SPTSSB: variants seen among roughly 807,000 people sequenced by gnomAD.
SPTSSB encodes serine palmitoyltransferase small subunit B, also known as androgen down regulated in mouse prostate.
In SPTSSB, 6 loss-of-function variants were observed where a neutral mutation model predicts 7.7. The ratio of observed to expected loss-of-function variants is 0.78; its 90% CI spans 0.43 to 1.54. The LOEUF is 1.54. SPTSSB is among the 40% of genes most tolerant of loss of function. SPTSSB has a pLI of 0.01. For synonymous variants in SPTSSB, 28 were observed against 29.7 expected, an observed-to-expected ratio of 0.94 and a Z score of 0.19; for missense variants, 91 against 93.0, an observed-to-expected ratio of 0.98 and a Z score of 0.09.
intron 1 of SPTSSB, among the ~76,000 whole-genome samples, chr3:161,370,405 T>G (rs1715456450): frequency 6.6e-6 from 1 of 152,200 alleles, no homozygotes; most frequent in African/African-American, 2.4e-5. Flanking sequence ...TTGGTTTTGG[T>G]CTAGTTATCT....
At chr3:161,350,388 CT>C (rs2086170456) in intron 2 of SPTSSB, among the ~76,000 whole-genome samples, 1 of 152,172 alleles carries the variant, frequency 6.6e-6, no homozygotes, top group South Asian at 2.1e-4. Flanking sequence ...AAAAAAAAGA[CT>C]TAGTACATTT....
chr3:161,368,119 T>G (rs1715293501), intron 1 of SPTSSB, among the ~76,000 whole-genome samples: 1 of 152,034 alleles, frequency 6.6e-6, no homozygotes, highest in Non-Finnish European at 1.5e-5. Context: ...CTTAAATATT[T>G]CATATATTTT....
chr3:161,369,710 G>A (rs1380867600), intron 1 of SPTSSB, among the ~76,000 whole-genome samples: 2 of 152,018 alleles, frequency 1.3e-5, no homozygotes. Context: ...TGGGGATGAT[G>A]AGTAATGCTG....
chr3:161,364,127 CT>C (rs748339381), intron 1 of SPTSSB, among the ~76,000 whole-genome samples: 2 of 151,680 alleles, frequency 1.3e-5, no homozygotes, highest in African/African-American at 4.8e-5. Flanking sequence ...ACTTAAACTA[CT>C]TTTTTTTAAA....
intron 2 of SPTSSB, among the ~76,000 whole-genome samples, chr3:161,356,188 C>T (rs2108160928): frequency 6.6e-6 from 1 of 152,286 alleles, no homozygotes; most frequent in Admixed American, 6.5e-5. Context: ...TTCCTGGCAT[C>T]AGTGAAATTC....
At chr3:161,356,530 C>T (rs1165691696) in intron 2 of SPTSSB, among the ~76,000 whole-genome samples, 1 of 152,162 alleles carries the variant, frequency 6.6e-6, no homozygotes, top group Non-Finnish European at 1.5e-5. Context: ...CAAGACCTTT[C>T]CAATAGTGTT....
At chr3:161,369,318 T>TTCTTTC (rs1560109045) in intron 1 of SPTSSB, among the ~76,000 whole-genome samples, 9 of 77,720 alleles carry the variant, frequency 1.2e-4, no homozygotes, top group East Asian at 4.8e-4. Context: ...TTCTTTCTCT[T>TTCTTTC]TCTTTCTTTC....
At chr3:161,365,232 A>G (rs1020016589) in intron 1 of SPTSSB, among the ~76,000 whole-genome samples, 1 of 152,252 alleles carries the variant, frequency 6.6e-6, no homozygotes, top group Non-Finnish European at 1.5e-5. Context: ...CAAATCATTT[A>G]TCCATCCTTC....
chr3:161,360,954 AAT>A (rs1422168455), intron 1 of SPTSSB, among the ~76,000 whole-genome samples: 1 of 152,162 alleles, frequency 6.6e-6, no homozygotes, highest in Non-Finnish European at 1.5e-5. Context: ...TATCTATAGA[AAT>A]ATGGTGTCAC....
chr3:161,346,353 G>T lies in SPTSSB; in HGVS notation c.-30C>A. Reference sequence around the variant, plus strand: ...GGCTCCTTCAAGCTGCAGTAAGTTTGTCCTGTTAAAGAATGTAACAGATTA... The same window carrying T: ...GGCTCCTTCAAGCTGCAGTAAGTTTTTCCTGTTAAAGAATGTAACAGATTA... On this transcript the variant is annotated splice_region_variant and 5_prime_UTR_variant, in exon 3 of 3. Transcript: ENST00000620149. The T allele has an allele frequency of 6.7e-7, 1 of 1,495,078 alleles. No homozygotes were observed. Among genetic ancestry groups the T allele is most frequent in the Non-Finnish European group, 9.3e-7 (1 of 1,071,822 alleles). The allele number at this position is 1,495,078 out of a possible 1,614,324, so 92.6% of individuals were successfully genotyped here.
rs62279927 is a variant in SPTSSB at position 161,371,475 on chromosome 3, C to G, written c.-166G>C. 7 of 985,344 alleles carry G rather than the reference C, an allele frequency of 7.1e-6. No individual in the cohort carries two copies. Among genetic ancestry groups the G allele is most frequent in the African/African-American group, 1.7e-5 (1 of 57,212 alleles). The allele number at this position is 985,344 out of a possible 1,614,324, so 61.0% of individuals were successfully genotyped here. A position where few individuals can be genotyped will look rare whatever the true frequency, so the allele number is the denominator to read the frequency against. On this transcript the variant is annotated 5_prime_UTR_variant, in exon 1 of 3. Coordinates refer to ENST00000620149, the MANE Select transcript of SPTSSB (RefSeq NM_001040100.2). ...ATCTCCCTGCGGCTTAGGTGAGCGC[C>G]GAGGCTTTGGCTCCTCCCCAGCTGC...
intron 2 of SPTSSB, among the ~76,000 whole-genome samples, chr3:161,352,529 G>A (rs1482592528): frequency 6.6e-6 from 1 of 152,166 alleles, no homozygotes; most frequent in Non-Finnish European, 1.5e-5. Context: ...GACTATGAGG[G>A]CTTTGGGTAC....
chr3:161,355,329 G>A (rs1291714397), intron 2 of SPTSSB, among the ~76,000 whole-genome samples: 1 of 152,160 alleles, frequency 6.6e-6, no homozygotes, highest in Non-Finnish European at 1.5e-5. Flanking sequence ...GAAGCAAAAA[G>A]TGAACAAACT....
rs149388545 is a variant in SPTSSB, at chr3:161,369,286, T to TTTTCTTTCTTTCTTTCTTTC, written c.-126+2129_-126+2148dup. On this transcript the variant is annotated intron_variant, in intron 1 of 2. Coordinates refer to ENST00000620149, the MANE Select transcript of SPTSSB (RefSeq NM_001040100.2). ...TCTCTTTCTTTTTCTTCTTTCTTTC[T>TTTTCTTTCTTTCTTTCTTTC]TTTCTTTCTTTCTTTCTTTCTTTCT... 3.5e-4 allele frequency among the ~76,000 whole-genome samples: 39 copies of TTTTCTTTCTTTCTTTCTTTC among 110,394 alleles called. 1 individual carries two copies. Among genetic ancestry groups the TTTTCTTTCTTTCTTTCTTTC allele is most frequent in the African/African-American group, 1.6e-3 (37 of 22,984 alleles). 72.4% of individuals were successfully genotyped at this position (110,394 alleles called of 152,430 possible).
chr3:161,354,641 T>A (rs1325398866), intron 2 of SPTSSB, among the ~76,000 whole-genome samples: 1 of 152,236 alleles, frequency 6.6e-6, no homozygotes, highest in Non-Finnish European at 1.5e-5. Context: ...CCACCACACC[T>A]GGCCTGAACC....
chr3:161,358,916 T>C (rs1006643596), intron 2 of SPTSSB, among the ~76,000 whole-genome samples: 53 of 152,312 alleles, frequency 3.5e-4, no homozygotes, highest in Admixed American at 9.2e-4. Flanking sequence ...GAAGAAATTA[T>C]TGCCAACCAT....
Position 161,346,312 on chromosome 3 carries a change from C to A in SPTSSB, c.12G>T (p.Arg4Ser). 1 of 1,610,834 alleles carries A rather than the reference C, an allele frequency of 6.2e-7. No homozygotes were observed. The highest frequency in any genetic ancestry group is 8.5e-7 in the Non-Finnish European group (1 of 1,177,178). Residue 4 changes from arginine to serine, a missense_variant, in exon 3 of 3, where the codon AGG becomes AGT. Arg to Ser is a moderately radical substitution (Grantham distance 110, BLOSUM62 -1). Coordinates refer to ENST00000620149, the MANE Select transcript of SPTSSB (RefSeq NM_001040100.2). The stretch of plus-strand genomic sequence containing the variant: ...GCCAGGAGAAATATTCCTTCACACG[C>A]CTCAAATCCATGGTTGGCTCCTTCA... MDL[R>S]RVKEYFSWLY...
At chr3:161,356,137 C>G (rs1444591392) in intron 2 of SPTSSB, among the ~76,000 whole-genome samples, 2 of 152,172 alleles carry the variant, frequency 1.3e-5, no homozygotes, top group Non-Finnish European at 2.9e-5. Context: ...GCCAAACCCC[C>G]AAGAACCTTC....
intron 1 of SPTSSB, among the ~76,000 whole-genome samples, chr3:161,363,485 ATTTC>A (rs1576901634): frequency 1.3e-5 from 2 of 151,968 alleles, no homozygotes; most frequent in Non-Finnish European, 2.9e-5. Context: ...ACAAAGAATA[ATTTC>A]TTTGTTTATT....
Sources: gnomAD v4.1 joint callset for allele counts (sites outside exome capture counted in the v4.1 genomes callset) on GRCh38, gnomAD v4.1.1 for gene constraint, MANE v1.5 for transcripts, NCBI Gene and HGNC (gene_info 2026-07-23, HGNC 2026-07-21) for gene names.